RANBP2: variants seen among roughly 807,000 people sequenced by gnomAD.
RANBP2 encodes the protein RAN binding protein 2, also known as E3 SUMO-protein ligase RanBP2.
A neutral mutation model predicts 303.6 loss-of-function variants in RANBP2; 57 were observed. The ratio of observed to expected loss-of-function variants is 0.19; its 90% CI spans 0.15 to 0.23. The LOEUF is 0.23. Ranked by LOEUF, RANBP2 falls within the 10% of genes least tolerant of loss-of-function variation. RANBP2 has a pLI of 1.00. For synonymous variants in RANBP2, 1,167 were observed against 1,301.5 expected (o/e 0.90, Z 2.23); for missense variants, 3,138 against 3,780.8 (o/e 0.83, Z 4.46).
At position 108,783,966 on chromosome 2, in the gene RANBP2, ATT is replaced by A. The variant is rs982200569; in HGVS notation, c.*67_*68del. ...GTTGGATTGAAGCTTAGCTATTACA[ATT>A]TGATAGTTATGTTCAGCTTTTGAAA... On this transcript the variant is annotated 3_prime_UTR_variant, in exon 29 of 29. Transcript: ENST00000283195. 12 of 1,444,350 alleles carry A rather than the reference ATT, an allele frequency of 8.3e-6. No individual in the cohort carries two copies. The Admixed American group carries it at 1.9e-4, about 23-fold the overall frequency. The allele number at this position is 1,444,350 out of a possible 1,614,324, so 89.5% of individuals were successfully genotyped here.
chr2:109,500,723 C>T, the RANBP2 span, among the ~76,000 whole-genome samples: 1 of 152,092 alleles, frequency 6.6e-6, no homozygotes, highest in African/African-American at 2.4e-5. Flanking sequence ...CTGAGGCCAG[C>T]GGATCACTTG....
the RANBP2 span, among the ~76,000 whole-genome samples, chr2:109,448,242 G>T: frequency 6.6e-6 from 1 of 152,160 alleles, no homozygotes; most frequent in African/African-American, 2.4e-5. Context: ...ATGTTTATGA[G>T]CATTTTACAA....
chr2:108,966,779 G>A, the RANBP2 span, among the ~76,000 whole-genome samples: 1 of 152,226 alleles, frequency 6.6e-6, no homozygotes, highest in Non-Finnish European at 1.5e-5. Context: ...CCCTGGAAGG[G>A]AGCACAGTGG....
chr2:109,771,410 G>T, the RANBP2 span, among the ~76,000 whole-genome samples: 2 of 102,362 alleles, frequency 2.0e-5, no homozygotes, highest in Non-Finnish European at 3.6e-5. Flanking sequence ...ATACTGTAGA[G>T]CCCAGGACAG....
the RANBP2 span, among the ~76,000 whole-genome samples, chr2:109,305,673 C>T: frequency 3.9e-5 from 6 of 152,236 alleles, no homozygotes; most frequent in Non-Finnish European, 7.3e-5. Context: ...CTCAGTTCCA[C>T]TGCATGCCTG....
the RANBP2 span, among the ~76,000 whole-genome samples, chr2:109,280,687 C>CT: frequency 6.6e-6 from 1 of 152,216 alleles, no homozygotes; most frequent in Non-Finnish European, 1.5e-5. Context: ...AACCTTTCTG[C>CT]TTTGTAGCAC....
chr2:108,805,272 G>A, the RANBP2 span, among the ~76,000 whole-genome samples: 1 of 152,048 alleles, frequency 6.6e-6, no homozygotes, highest in South Asian at 2.1e-4. Context: ...TTTAGGTACT[G>A]ATCTCTGGCT....
the RANBP2 span, chr2:109,546,192 T>C: frequency 6.2e-7 from 1 of 1,605,206 alleles, no homozygotes; most frequent in Non-Finnish European, 8.5e-7. Context: ...AGCTTCATTC[T>C]CTCTTCTTGG....
the RANBP2 span, among the ~76,000 whole-genome samples, chr2:109,496,065 G>A: frequency 2.3e-4 from 35 of 152,172 alleles, no homozygotes; most frequent in African/African-American, 8.2e-4. Flanking sequence ...GGTTGCCCTG[G>A]GGTGGCCAGC....
At chr2:108,910,580 A>C in the RANBP2 span, 3 of 1,533,778 alleles carry the variant, frequency 2.0e-6, no homozygotes, top group Non-Finnish European at 2.7e-6. Flanking sequence ...GAATTGGCTC[A>C]TGGCTCTGCG....
the RANBP2 span, among the ~76,000 whole-genome samples, chr2:109,533,817 C>T: frequency 6.6e-6 from 1 of 152,170 alleles, no homozygotes; most frequent in Non-Finnish European, 1.5e-5. Flanking sequence ...TCCTGATATT[C>T]CTGAACTCCC....
chr2:108,833,573 C>G, the RANBP2 span, among the ~76,000 whole-genome samples: 280 of 152,198 alleles, frequency 1.8e-3, no homozygotes, highest in Middle Eastern at 3.4e-3. Flanking sequence ...CAAAGGTCAG[C>G]AAACCCTTTT....
the RANBP2 span, among the ~76,000 whole-genome samples, chr2:108,898,280 C>T: frequency 6.6e-6 from 1 of 152,128 alleles, no homozygotes. Context: ...TTCTCATCAA[C>T]CAGCTGGTAA....
chr2:108,849,190 AT>A, the RANBP2 span, among the ~76,000 whole-genome samples: 6 of 152,322 alleles, frequency 3.9e-5, no homozygotes, highest in African/African-American at 1.2e-4. Flanking sequence ...GAGAAAAAAA[AT>A]CTACAAAAAA....
chr2:108,799,835 A>G, the RANBP2 span, among the ~76,000 whole-genome samples: 2 of 151,858 alleles, frequency 1.3e-5, no homozygotes, highest in African/African-American at 4.8e-5. Flanking sequence ...TGTTCTTCAG[A>G]TAGTTTCTTG....
chr2:109,540,802 A>G, the RANBP2 span, among the ~76,000 whole-genome samples: 1 of 151,654 alleles, frequency 6.6e-6, no homozygotes, highest in Non-Finnish European at 1.5e-5. Context: ...CCCTGTCAAA[A>G]AAAAAAAAAA....
At chr2:109,722,650 A>C in the RANBP2 span, among the ~76,000 whole-genome samples, 25 of 152,162 alleles carry the variant, frequency 1.6e-4, no homozygotes, top group Non-Finnish European at 3.2e-4. Flanking sequence ...CCTCCCCACG[A>C]CAGGCCTCAA....
chr2:109,585,455 C>T, the RANBP2 span: 28 of 748,742 alleles, frequency 3.7e-5, no homozygotes, highest in South Asian at 2.2e-4. Flanking sequence ...ATACACACTA[C>T]GGCTGGTCCC....
At chr2:109,029,621 G>A in the RANBP2 span, among the ~76,000 whole-genome samples, 1 of 152,212 alleles carries the variant, frequency 6.6e-6, no homozygotes, top group African/African-American at 2.4e-5. Flanking sequence ...CAAAAGTAGA[G>A]CAGGGTGACC....
Sources: allele counts gnomAD v4.1 joint callset (sites outside exome capture counted in the v4.1 genomes callset), GRCh38; gene constraint gnomAD v4.1.1; transcripts MANE v1.5; gene names NCBI Gene and HGNC (gene_info 2026-07-23, HGNC 2026-07-21).